The following SDHB variants were observed in gnomAD, a reference collection of about 807,000 sequenced individuals.
SDHB encodes the protein succinate dehydrogenase [ubiquinone] iron-sulfur subunit, mitochondrial.
In SDHB, 21 loss-of-function variants were observed where a neutral mutation model predicts 39.7. The ratio of observed to expected loss-of-function variants is 0.53; its 90% confidence interval spans 0.37 to 0.76. The LOEUF (loss-of-function observed/expected upper bound fraction) is 0.76, where lower values mean the gene tolerates loss of function less well. Among genes scored for constraint, SDHB ranks in the 30% least tolerant of loss-of-function variants. The pLI is 0.00. For missense variants in SDHB, 343 were observed against 350.9 expected (o/e 0.98, Z 0.18); for synonymous variants, 118 against 117.0 (o/e 1.01, Z -0.06).
At chr1:17,024,145 T>C (rs1570946067) in intron 5 of SDHB, 71 bp from the exon 6 acceptor site, 1 of 1,107,662 alleles carries the variant, frequency 9.0e-7, no homozygotes, top group Non-Finnish European at 1.3e-6. Flanking sequence ...GCTGATTAAA[T>C]GTTACCTTTG....
At chr1:17,033,194 T>G in intron 2 of SDHB, 49 bp from the exon 3 acceptor site, 1 of 1,340,618 alleles carries the variant, frequency 7.5e-7, no homozygotes, top group Non-Finnish European at 1.1e-6. Context: ...TCAACCTCCC[T>G]ACACTTTATC....
chr1:17,050,655 C>CAAAAA (rs34806121), intron 1 of SDHB, among the ~76,000 whole-genome samples: 1 of 134,898 alleles, frequency 7.4e-6, no homozygotes, highest in Non-Finnish European at 1.6e-5. Context: ...GACTCTGTCT[C>CAAAAA]AAAAAAAAAA....
chr1:17,036,041 A>C (rs1396370349), intron 2 of SDHB, among the ~76,000 whole-genome samples: 3 of 152,202 alleles, frequency 2.0e-5, no homozygotes, highest in East Asian at 3.9e-4. Context: ...AAATTTTCTC[A>C]GATTTTACAT....
chr1:17,030,985 G>A (rs988846550), intron 3 of SDHB, among the ~76,000 whole-genome samples: 1 of 146,952 alleles, frequency 6.8e-6, no homozygotes, highest in Non-Finnish European at 1.5e-5. Flanking sequence ...TGGAAAGGGA[G>A]TCTATGTTTC....
In SDHB at chr1:17,033,132, C is replaced by T. The variant is rs1060503766; in HGVS notation, c.214G>A (p.Val72Ile). The T allele has an allele frequency of 3.1e-6, 5 of 1,612,568 alleles. No homozygotes were observed. The highest frequency in any genetic ancestry group is 1.7e-5 in the Admixed American group (1 of 60,012). The part of the protein sequence containing the change: ...EVDLNKCGPM[V>I]LDALIKIKNE... ...TTAATCTTGATTAAAGCATCCAATA[C>T]CATGGGGCCACATCTAACAAAGAAA... is the stretch of plus-strand genomic sequence containing the variant. The change falls in exon 3 of 8, where the codon GTA (valine) becomes ATA (isoleucine). Residue 72 changes from valine (V) to isoleucine (I), a missense_variant. By Grantham distance (29) the Val-to-Ile change is conservative. Coordinates refer to ENST00000375499, the MANE Select transcript of SDHB (RefSeq NM_003000.3).
At chr1:17,023,945 C>T in intron 6 of SDHB, 28 bp downstream of exon 6, 2 of 1,543,652 alleles carry the variant, frequency 1.3e-6, no homozygotes, top group Non-Finnish European at 1.8e-6. Flanking sequence ...GTTTCAATTT[C>T]TCTTAAAGCA....
rs2101528825 is a variant in SDHB, at chr1:17,033,052, A to G, written c.286+8T>C. On this transcript the variant is annotated splice_region_variant and intron_variant, in intron 3 of 7. Transcript: ENST00000375499. ...GTATCTGGAGCCCAACAGGAATGAA[A>G]TGCTCACCTTCTCTGCATGATCTTC... 1.2e-6 allele frequency: 2 copies of G among 1,609,768 alleles called. No homozygotes were observed. The highest frequency in any genetic ancestry group is 1.7e-6 in the Non-Finnish European group (2 of 1,176,056).
In SDHB at chr1:17,040,909, C is replaced by T. The variant is rs182507577; in HGVS notation, c.200+3852G>A. On this transcript the variant is annotated intron_variant, in intron 2 of 7. Coordinates refer to ENST00000375499, the MANE Select transcript of SDHB (RefSeq NM_003000.3). ...CTTTGGGAGGCCGAGGCGGGTGAAT[C>T]ACTTGAGGTCAGGAGTTTAAGACCA... is the stretch of plus-strand genomic sequence containing the variant. Among the ~76,000 whole-genome samples the T allele has an allele frequency of 5.0e-3, 757 of 152,274 alleles. 10 individuals are homozygous for T. Among genetic ancestry groups the T allele is most frequent in the African/African-American group, 0.017 (721 of 41,576 alleles).
intron 7 of SDHB, among the ~76,000 whole-genome samples, chr1:17,021,359 T>C (rs12144355): frequency 0.015 from 2,259 of 152,132 alleles, 30 homozygotes; most frequent in South Asian, 0.033. Context: ...GGAGGATCAC[T>C]TAAGGCCAGC....
chr1:17,042,706 A>G (rs2078087513), intron 2 of SDHB, among the ~76,000 whole-genome samples: 1 of 151,878 alleles, frequency 6.6e-6, no homozygotes, highest in Non-Finnish European at 1.5e-5. Flanking sequence ...TGAGCCTGGG[A>G]GGTTGAGGCT....
intron 1 of SDHB, chr1:17,045,339 G>C: frequency 4.9e-6 from 1 of 203,956 alleles, no homozygotes; most frequent in Non-Finnish European, 1.0e-5. Context: ...GTGGTCTGAG[G>C]GTGGTGGCTC....
intron 2 of SDHB, 25 bp from the exon 3 acceptor site, chr1:17,033,170 T>A: frequency 1.3e-6 from 2 of 1,553,778 alleles, no homozygotes; most frequent in Non-Finnish European, 8.9e-7. Flanking sequence ...TATCCAGTGG[T>A]ATTTATGTAA....
In SDHB at chr1:17,033,097, A is replaced by G. The variant is rs1570951394; in HGVS notation, c.249T>C (p.Val83=). The part of the protein sequence containing the change: ...LDALIKIKNE[V]DSTLTFRRSC... ...ATCTTCGGAAGGTCAAAGTAGAGTCAACTTCATTCTTAATCTTGATTAAAG... is the reference window on the plus strand; with the variant it reads ...ATCTTCGGAAGGTCAAAGTAGAGTCGACTTCATTCTTAATCTTGATTAAAG... The change falls in exon 3 of 8, where the codon GTT becomes GTC. Residue 83 remains valine, a synonymous_variant. Transcript: ENST00000375499. 1 of 1,614,002 alleles carries G rather than the reference A, an allele frequency of 6.2e-7. No homozygotes were observed. The highest frequency in any genetic ancestry group is 1.1e-5 in the South Asian group (1 of 91,072).
intron 2 of SDHB, among the ~76,000 whole-genome samples, chr1:17,044,368 A>G (rs1466187528): frequency 2.7e-5 from 4 of 148,794 alleles, no homozygotes; most frequent in Non-Finnish European, 4.4e-5. Flanking sequence ...TCTGTTGCCC[A>G]GGCTGGAGTG....
intron 6 of SDHB, 127 bp from the exon 7 acceptor site, chr1:17,022,857 C>A (rs1443437532): frequency 2.6e-6 from 3 of 1,142,330 alleles, no homozygotes; most frequent in Non-Finnish European, 3.8e-6. Context: ...CATCTCCATA[C>A]TCTTTAATTC....
chr1:17,028,827 A>G, intron 3 of SDHB, 91 bp from the exon 4 acceptor site: 1 of 1,463,922 alleles, frequency 6.8e-7, no homozygotes, highest in Non-Finnish European at 9.5e-7. Flanking sequence ...TTGCTGTGCC[A>G]TCAGGGGCAG....
intron 2 of SDHB, among the ~76,000 whole-genome samples, chr1:17,041,801 A>G (rs2078081592): frequency 6.6e-6 from 1 of 152,220 alleles, no homozygotes; most frequent in Non-Finnish European, 1.5e-5. Flanking sequence ...ATGTGGGCAG[A>G]GTTCATGAAC....
At chr1:17,052,726 C>T (rs2078155739) in intron 1 of SDHB, among the ~76,000 whole-genome samples, 1 of 152,160 alleles carries the variant, frequency 6.6e-6, no homozygotes, top group Non-Finnish European at 1.5e-5. Context: ...TCCAAGTTCA[C>T]ACACAGCATG....
intron 7 of SDHB, among the ~76,000 whole-genome samples, chr1:17,021,340 C>T (rs939751278): frequency 6.6e-5 from 10 of 152,226 alleles, no homozygotes; most frequent in Admixed American, 4.6e-4. Flanking sequence ...CCCAGCTACT[C>T]AGGAGGTAGG....
Sources: gnomAD v4.1 joint callset for allele counts (sites outside exome capture counted in the v4.1 genomes callset) on GRCh38, gnomAD v4.1.1 for gene constraint, MANE v1.5 for transcripts, NCBI Gene and HGNC (gene_info 2026-07-23, HGNC 2026-07-21) for gene names.